Variants in CTXND1 observed in about 807,000 individuals in gnomAD.
CTXND1 encodes cortexin domain containing 1.
At position 80,220,173 on chromosome 15, in the gene CTXND1, T is replaced by TTATC. The variant is rs1280577039; in HGVS notation, c.-217-16437_-217-16434dup. 1.4e-3 allele frequency among the ~76,000 whole-genome samples: 208 copies of TTATC among 144,850 alleles called. 4 individuals carry two copies. Among genetic ancestry groups the TTATC allele is most frequent in the South Asian group, 2.4e-3 (11 of 4,538 alleles). ...TCTATCTATCTATCTATCTATCTAT[T>TTATC]TATCTATCTATCTATATTAGAATTC... On this transcript the variant is annotated intron_variant, in intron 1 of 2. Coordinates refer to ENST00000560778, the MANE Select transcript of CTXND1 (RefSeq NM_001352888.2).
chr15:80,217,319 A>G (rs1325483511), intron 1 of CTXND1, among the ~76,000 whole-genome samples: 1 of 152,172 alleles, frequency 6.6e-6, no homozygotes, highest in African/African-American at 2.4e-5. Flanking sequence ...ACATCCTGAA[A>G]TAGATCCTAC....
chr15:80,209,140 C>T (rs1255383527), intron 1 of CTXND1, among the ~76,000 whole-genome samples: 2 of 152,044 alleles, frequency 1.3e-5, no homozygotes, highest in African/African-American at 4.8e-5. Context: ...GTGACATATC[C>T]CAGGGGAGGA....
intron 1 of CTXND1, among the ~76,000 whole-genome samples, chr15:80,221,430 T>G (rs1893317644): frequency 6.6e-6 from 1 of 152,144 alleles, no homozygotes; most frequent in Non-Finnish European, 1.5e-5. Flanking sequence ...AAAAATGATT[T>G]GTTTGGACTC....
intron 1 of CTXND1, among the ~76,000 whole-genome samples, chr15:80,244,600 G>A (rs529119100): frequency 3.9e-5 from 6 of 152,332 alleles, no homozygotes; most frequent in Admixed American, 6.5e-5. Flanking sequence ...GGGTGAACCC[G>A]TCAGCAAGGA....
intron 1 of CTXND1, among the ~76,000 whole-genome samples, chr15:80,207,097 G>GT (rs534217579): frequency 1.3e-3 from 194 of 152,274 alleles, no homozygotes; most frequent in Non-Finnish European, 2.2e-3. Flanking sequence ...CCTATGTGTG[G>GT]TTTTCTCTGG....
chr15:80,226,000 T>G (rs989705349), intron 1 of CTXND1, among the ~76,000 whole-genome samples: 24 of 152,174 alleles, frequency 1.6e-4, no homozygotes, highest in Non-Finnish European at 1.8e-4. Context: ...ATGGGCAGGG[T>G]TTATCCTGAG....
chr15:80,200,042 C>T lies in CTXND1; in HGVS notation c.*1728G>A, dbSNP rs1356895980. On this transcript the variant is annotated 3_prime_UTR_variant, in exon 3 of 3. Coordinates refer to ENST00000560778, the MANE Select transcript of CTXND1 (RefSeq NM_001352888.2). ...AAAGGCAATTATGTAAATTGGTAGA[C>T]GCCATATCCCTTGAGGTCAGGTGCT... is the stretch of plus-strand genomic sequence containing the variant. 6.6e-6 allele frequency: 1 copy of T among 152,266 alleles called. No individual in the cohort carries two copies. The highest frequency in any genetic ancestry group is 1.5e-5 in the Non-Finnish European group (1 of 68,090). The allele number at this position is 152,266 out of a possible 1,614,324, so 9.4% of individuals were successfully genotyped here.
At chr15:80,238,442 C>T (rs1163255914) in intron 1 of CTXND1, among the ~76,000 whole-genome samples, 1 of 150,742 alleles carries the variant, frequency 6.6e-6, no homozygotes, top group East Asian at 1.9e-4. Flanking sequence ...CTTTCATGGG[C>T]TGTACAATAA....
At chr15:80,204,167 A>T (rs1192164004) in intron 1 of CTXND1, among the ~76,000 whole-genome samples, 16 of 25,024 alleles carry the variant, frequency 6.4e-4, no homozygotes, top group African/African-American at 3.0e-3. Context: ...AAAAAAAAAA[A>T]AAATATATAT....
intron 1 of CTXND1, among the ~76,000 whole-genome samples, chr15:80,207,851 T>C (rs975759539): frequency 6.6e-6 from 1 of 152,236 alleles, no homozygotes; most frequent in African/African-American, 2.4e-5. Flanking sequence ...CAAGTTGAGA[T>C]CCTGGGATGT....
rs1259643518 is a variant in CTXND1 at position 80,221,319 on chromosome 15, A to G, written c.-217-17579T>C. On this transcript the variant is annotated intron_variant, in intron 1 of 2. Coordinates refer to ENST00000560778, the MANE Select transcript of CTXND1 (RefSeq NM_001352888.2). Reference sequence around the variant, plus strand: ...TTGCCACTTTTTTCATTTCCTGTTGAATTGGCTCAGACCACAAGTGAAATA... The same window carrying G: ...TTGCCACTTTTTTCATTTCCTGTTGGATTGGCTCAGACCACAAGTGAAATA... 3.3e-5 allele frequency among the ~76,000 whole-genome samples: 5 copies of G among 152,202 alleles called. No homozygotes were observed. In the East Asian group the frequency reaches 9.6e-4, roughly 29 times the overall value.
At chr15:80,204,831 G>A (rs2142122247) in intron 1 of CTXND1, among the ~76,000 whole-genome samples, 1 of 152,050 alleles carries the variant, frequency 6.6e-6, no homozygotes, top group South Asian at 2.1e-4. Flanking sequence ...GGCATTGCTG[G>A]ATCATATGGT....
At chr15:80,213,187 C>T (rs1893218157) in intron 1 of CTXND1, among the ~76,000 whole-genome samples, 1 of 152,168 alleles carries the variant, frequency 6.6e-6, no homozygotes, top group South Asian at 2.1e-4. Context: ...GAGTCTCACA[C>T]ATATCTAATT....
intron 1 of CTXND1, among the ~76,000 whole-genome samples, chr15:80,205,766 T>C (rs1039769107): frequency 6.6e-6 from 1 of 152,170 alleles, no homozygotes; most frequent in African/African-American, 2.4e-5. Flanking sequence ...TTTTAGTCAG[T>C]TGAGGCGATG....
rs926790367 is a variant in CTXND1, at chr15:80,252,019, G to C, written c.-230C>G. ...CCGCGGTCCTTACCTGGCGAGGCCCGTCCCGTGCGCTCCCGGGGTCCTGGC... is the reference window on the plus strand; with the variant it reads ...CCGCGGTCCTTACCTGGCGAGGCCCCTCCCGTGCGCTCCCGGGGTCCTGGC... On this transcript the variant is annotated 5_prime_UTR_variant, in exon 1 of 3. Coordinates refer to ENST00000560778, the MANE Select transcript of CTXND1 (RefSeq NM_001352888.2). 1 of 151,646 alleles carries C rather than the reference G, an allele frequency of 6.6e-6. No individual in the cohort carries two copies. Among genetic ancestry groups the C allele is most frequent in the African/African-American group, 2.4e-5 (1 of 41,388 alleles). 9.4% of individuals were successfully genotyped at this position (151,646 alleles called of 1,614,324 possible). A position where few individuals can be genotyped will look rare whatever the true frequency, so the allele number is the denominator to read the frequency against.
At chr15:80,216,858 A>G (rs979901534) in intron 1 of CTXND1, among the ~76,000 whole-genome samples, 6 of 152,092 alleles carry the variant, frequency 3.9e-5, no homozygotes, top group African/African-American at 1.4e-4. Context: ...CAAATGATCC[A>G]CCTGCCTTGG....
At chr15:80,222,099 T>C (rs916763273) in intron 1 of CTXND1, among the ~76,000 whole-genome samples, 1 of 152,202 alleles carries the variant, frequency 6.6e-6, no homozygotes, top group Admixed American at 6.5e-5. Context: ...GATATATTCA[T>C]TAAATCAAGA....
At chr15:80,235,891 A>T (rs1319293589) in intron 1 of CTXND1, among the ~76,000 whole-genome samples, 3 of 151,416 alleles carry the variant, frequency 2.0e-5, no homozygotes, top group Non-Finnish European at 4.4e-5. Flanking sequence ...TCATGGGATA[A>T]TGATGAGGAC....
chr15:80,226,360 G>T (rs546305242), intron 1 of CTXND1, among the ~76,000 whole-genome samples: 2 of 152,204 alleles, frequency 1.3e-5, no homozygotes, highest in East Asian at 3.9e-4. Flanking sequence ...AGGAAATAAG[G>T]AAGTAATTCC....
Sources: allele counts gnomAD v4.1 joint callset (sites outside exome capture counted in the v4.1 genomes callset), GRCh38; gene constraint gnomAD v4.1.1; transcripts MANE v1.5; gene names NCBI Gene and HGNC (gene_info 2026-07-23, HGNC 2026-07-21).